The following PLA2G4A variants were observed in gnomAD, a reference collection of about 807,000 sequenced individuals.
PLA2G4A encodes phospholipase A2 group IVA, also known as cytosolic phospholipase A2.
Under a neutral mutation model 81.9 loss-of-function variants are expected in PLA2G4A, and 40 were observed. The ratio of observed to expected loss-of-function variants is 0.49; its 90% CI spans 0.38 to 0.64. The LOEUF (loss-of-function observed/expected upper bound fraction) is 0.64. Among genes scored for constraint, PLA2G4A ranks in the 30% least tolerant of loss-of-function variants. The pLI, the probability that PLA2G4A is intolerant of heterozygous loss-of-function variation, is 0.00. For missense variants in PLA2G4A, 715 were observed against 905.1 expected, an observed-to-expected ratio of 0.79 and a Z score of 2.69; for synonymous variants, 302 against 296.9, an observed-to-expected ratio of 1.02 and a Z score of -0.18.
chr1:186,837,806 A>G (rs1343419202), intron 1 of PLA2G4A, among the ~76,000 whole-genome samples: 3 of 151,906 alleles, frequency 2.0e-5, no homozygotes, highest in Non-Finnish European at 4.4e-5. Context: ...ATGATTCAGG[A>G]AAGAGAGACG....
intron 1 of PLA2G4A, among the ~76,000 whole-genome samples, chr1:186,831,917 GC>G (rs1436517508): frequency 1.3e-5 from 2 of 151,680 alleles, no homozygotes; most frequent in African/African-American, 2.4e-5. Flanking sequence ...TTTGTAACAT[GC>G]TTCTCCCTCA....
chr1:186,870,688 C>T (rs1289187830), intron 3 of PLA2G4A, 172 bp downstream of exon 3: 3 of 1,497,662 alleles, frequency 2.0e-6, no homozygotes, highest in Non-Finnish European at 1.8e-6. Flanking sequence ...GTCAGATTAG[C>T]ATTTTACCTG....
At chr1:186,966,862 G>A (rs1406770504) in intron 15 of PLA2G4A, among the ~76,000 whole-genome samples, 14 of 152,160 alleles carry the variant, frequency 9.2e-5, no homozygotes, top group Admixed American at 9.2e-4. Flanking sequence ...CTGTCTGTGA[G>A]CTCCTTGTGA....
At chr1:186,944,396 C>T (rs571407696) in intron 10 of PLA2G4A, among the ~76,000 whole-genome samples, 39 of 152,136 alleles carry the variant, frequency 2.6e-4, no homozygotes, top group Middle Eastern at 3.4e-3. Context: ...AAGAAGAGAT[C>T]GCTAGAAAAG....
chr1:186,870,246 G>C (rs908859967), intron 2 of PLA2G4A, among the ~76,000 whole-genome samples, 189 bp from the exon 3 acceptor site: 2 of 152,078 alleles, frequency 1.3e-5, no homozygotes, highest in African/African-American at 4.8e-5. Context: ...ACATTTTAAG[G>C]CACAATCTAA....
chr1:186,903,039 A>G (rs1654605886), intron 5 of PLA2G4A, among the ~76,000 whole-genome samples: 1 of 152,192 alleles, frequency 6.6e-6, no homozygotes, highest in Non-Finnish European at 1.5e-5. Flanking sequence ...TCAGATCCAC[A>G]TCCTGTTCCT....
intron 10 of PLA2G4A, among the ~76,000 whole-genome samples, 156 bp from the exon 11 acceptor site, chr1:186,946,481 A>G (rs2102232870): frequency 6.6e-6 from 1 of 152,216 alleles, no homozygotes. Flanking sequence ...ACACAATGTC[A>G]TATACATAAT....
chr1:186,881,761 G>T (rs1389939837), intron 3 of PLA2G4A, among the ~76,000 whole-genome samples: 1 of 152,096 alleles, frequency 6.6e-6, no homozygotes, highest in Non-Finnish European at 1.5e-5. Flanking sequence ...GGAGGGTTGA[G>T]ACCTATTACC....
intron 7 of PLA2G4A, 81 bp from the exon 8 acceptor site, chr1:186,932,682 T>G: frequency 7.5e-7 from 1 of 1,339,938 alleles, no homozygotes; most frequent in Non-Finnish European, 1.1e-6. Context: ...ATGGGATGTA[T>G]AACATAAAGA....
chr1:186,852,821 G>C (rs1652420726), intron 1 of PLA2G4A, among the ~76,000 whole-genome samples: 1 of 151,936 alleles, frequency 6.6e-6, no homozygotes, highest in South Asian at 2.1e-4. Flanking sequence ...ATTGGTTAAT[G>C]TTATCAGGAA....
chr1:186,865,247 C>A (rs1297768949), intron 2 of PLA2G4A, among the ~76,000 whole-genome samples: 1 of 151,418 alleles, frequency 6.6e-6, no homozygotes, highest in East Asian at 1.9e-4. Flanking sequence ...AATTATGTTC[C>A]AAATTAGGTG....
At chr1:186,848,028 A>G (rs562684741) in intron 1 of PLA2G4A, among the ~76,000 whole-genome samples, 2 of 152,280 alleles carry the variant, frequency 1.3e-5, no homozygotes, top group African/African-American at 4.8e-5. Flanking sequence ...TAAATCCTAT[A>G]CAAGGCGTTT....
intron 2 of PLA2G4A, among the ~76,000 whole-genome samples, chr1:186,870,183 CA>C (rs1653200677): frequency 6.6e-6 from 1 of 152,046 alleles, no homozygotes; most frequent in Non-Finnish European, 1.5e-5. Flanking sequence ...CATTTTTTAC[CA>C]AGTGCTTGGT....
At chr1:186,888,029 A>G (rs1380785683) in intron 3 of PLA2G4A, among the ~76,000 whole-genome samples, 1 of 152,244 alleles carries the variant, frequency 6.6e-6, no homozygotes, top group East Asian at 1.9e-4. Context: ...TCCACTGTCC[A>G]GCATCCTTTG....
chr1:186,988,798 T>A lies in PLA2G4A; in HGVS notation c.*290T>A, dbSNP rs528645966. 88 of 238,718 alleles carry A rather than the reference T, an allele frequency of 3.7e-4. No individual in the cohort carries two copies. The highest frequency in any genetic ancestry group is 1.8e-3 in the African/African-American group (79 of 44,464). 14.8% of individuals were successfully genotyped at this position (238,718 alleles called of 1,614,324 possible). On this transcript the variant is annotated 3_prime_UTR_variant, in exon 18 of 18. Transcript: ENST00000367466. ...TAAACATTTCTCACCAACTTTCTTA[T>A]GTGTGTTCTTTTTAAAAATTTTTTT...
chr1:186,920,001 T>A (rs1655288716), intron 7 of PLA2G4A, among the ~76,000 whole-genome samples: 1 of 152,136 alleles, frequency 6.6e-6, no homozygotes, highest in South Asian at 2.1e-4. Flanking sequence ...ACTGCTTTTG[T>A]CTAATTGGTT....
chr1:186,839,751 A>G (rs1651912818), intron 1 of PLA2G4A, among the ~76,000 whole-genome samples: 1 of 152,118 alleles, frequency 6.6e-6, no homozygotes, highest in Non-Finnish European at 1.5e-5. Flanking sequence ...GGTAGTATAA[A>G]AAGAACTTAA....
At chr1:186,829,567 T>C (rs1013909314) in intron 1 of PLA2G4A, among the ~76,000 whole-genome samples, 3 of 152,056 alleles carry the variant, frequency 2.0e-5, no homozygotes, top group African/African-American at 7.2e-5. Context: ...TATTGAAAAA[T>C]TAACTGTAAA....
chr1:186,890,380 T>C (rs1252819218), intron 3 of PLA2G4A, among the ~76,000 whole-genome samples: 1 of 152,152 alleles, frequency 6.6e-6, no homozygotes, highest in Non-Finnish European at 1.5e-5. Context: ...ATTAAAGGAT[T>C]CGGTGGAATC....
Sources: gnomAD v4.1 joint callset for allele counts (sites outside exome capture counted in the v4.1 genomes callset) on GRCh38, gnomAD v4.1.1 for gene constraint, MANE v1.5 for transcripts, NCBI Gene and HGNC (gene_info 2026-07-23, HGNC 2026-07-21) for gene names.